The following POLA1 variants were observed in gnomAD, a reference collection of about 807,000 sequenced individuals.
The protein encoded by POLA1 is DNA polymerase alpha catalytic subunit.
Under a neutral mutation model 124.0 loss-of-function variants are expected in POLA1, and 15 were observed. The observed-to-expected ratio is 0.12, with a 90% CI of 0.08 to 0.19. The LOEUF is 0.19. Among genes scored for constraint, POLA1 ranks in the 10% least tolerant of loss-of-function variants. The probability of loss-of-function intolerance (pLI) is 1.00; values close to 1 mark genes in which losing one functional copy is unlikely to be tolerated. For missense variants in POLA1, 886 were observed against 1,103.4 expected, an observed-to-expected ratio of 0.80 and a Z score of 2.79; for synonymous variants, 408 against 389.4, an observed-to-expected ratio of 1.05 and a Z score of -0.56.
chrX:24,765,443 G>A lies in POLA1; in HGVS notation c.2964+16451G>A, dbSNP rs192398887. 2.8e-4 allele frequency among the ~76,000 whole-genome samples: 31 copies of A among 109,014 alleles called. No homozygotes were observed. The East Asian group carries it at 4.6e-3, about 16-fold the overall frequency. The allele number at this position is 109,014 out of a possible 115,157, so 94.7% of individuals were successfully genotyped here. The stretch of plus-strand genomic sequence containing the variant: ...CCTGAGTAGCTGGGATTACAGGCAC[G>A]CACCACCACACCCAGCTAATTTTTG... On this transcript the variant is annotated intron_variant, in intron 26 of 36. Coordinates refer to ENST00000379068, the MANE Select transcript of POLA1 (RefSeq NM_001330360.2).
chrX:24,794,589 A>G (rs1395897599), intron 26 of POLA1, among the ~76,000 whole-genome samples: 1 of 112,333 alleles, frequency 8.9e-6, no homozygotes, highest in African/African-American at 3.2e-5. Flanking sequence ...TATATTAACT[A>G]AGCAGAAAAT....
chrX:24,967,957 C>T (rs755992681), intron 36 of POLA1, among the ~76,000 whole-genome samples: 2 of 111,624 alleles, frequency 1.8e-5, no homozygotes, highest in East Asian at 2.8e-4. Context: ...ATTTAAACTG[C>T]GAGCACTAAA....
At chrX:24,914,372 C>G (rs1225147083) in intron 35 of POLA1, among the ~76,000 whole-genome samples, 1 of 110,976 alleles carries the variant, frequency 9.0e-6, no homozygotes, top group Non-Finnish European at 1.9e-5. Flanking sequence ...GAAGACAAGG[C>G]ACACCTAAAT....
chrX:24,814,876 A>T, intron 29 of POLA1, 103 bp from the exon 30 acceptor site: 1 of 750,793 alleles, frequency 1.3e-6, no homozygotes, highest in South Asian at 3.1e-5. Flanking sequence ...TGTTAACCAC[A>T]TGTTAATCTA....
chrX:24,708,372 CTTT>C (rs397799733), intron 4 of POLA1, among the ~76,000 whole-genome samples: 5 of 80,025 alleles, frequency 6.2e-5, no homozygotes, highest in Admixed American at 1.5e-4. Flanking sequence ...CATGAAAATA[CTTT>C]TTTTTTTTTT....
intron 26 of POLA1, among the ~76,000 whole-genome samples, chrX:24,768,917 T>C (rs2044968392): frequency 8.9e-6 from 1 of 112,050 alleles, no homozygotes; most frequent in African/African-American, 3.2e-5. Flanking sequence ...TTAACACACA[T>C]TATCTATCTT....
intron 6 of POLA1, 37 bp downstream of exon 6, chrX:24,715,240 G>A (rs773650476): frequency 4.7e-5 from 39 of 838,051 alleles, no homozygotes; most frequent in Middle Eastern, 2.8e-4. Flanking sequence ...ATATGCAGAG[G>A]ACATAGACTG....
intron 36 of POLA1, among the ~76,000 whole-genome samples, chrX:24,935,771 A>T (rs1233901132): frequency 8.9e-6 from 1 of 112,318 alleles, no homozygotes; most frequent in Non-Finnish European, 1.9e-5. Context: ...GCCCCTTTTA[A>T]GGTACTTCAT....
At position 24,974,810 on chromosome X, in the gene POLA1, TAAAAAAG is replaced by T. The variant is rs1210719010; in HGVS notation, c.4262-20990_4262-20984del. ...CGTTCTGCACATGTATCCCAGAACT[TAAAAAAG>T]AAAACAAAGAAACCCTAATATAGGG... On this transcript the variant is annotated intron_variant, in intron 36 of 36. Coordinates refer to ENST00000379068, the MANE Select transcript of POLA1 (RefSeq NM_001330360.2). Among the ~76,000 whole-genome samples the T allele has an allele frequency of 3.6e-5, 4 of 111,988 alleles. No homozygotes were observed. The East Asian group carries it at 1.1e-3, about 31-fold the overall frequency.
intron 15 of POLA1, among the ~76,000 whole-genome samples, chrX:24,729,336 C>G (rs866935526): frequency 9.0e-6 from 1 of 111,613 alleles, no homozygotes; most frequent in South Asian, 3.8e-4. Context: ...ACAAACACAT[C>G]ATCAGATGTC....
intron 4 of POLA1, among the ~76,000 whole-genome samples, chrX:24,711,805 C>T (rs1805008000): frequency 8.9e-6 from 1 of 111,929 alleles, no homozygotes; most frequent in Admixed American, 9.4e-5. Context: ...ACCATGTTGG[C>T]CAGGCTGGTC....
intron 36 of POLA1, among the ~76,000 whole-genome samples, chrX:24,960,385 T>C (rs1213302798): frequency 1.8e-5 from 2 of 111,840 alleles, no homozygotes; most frequent in Admixed American, 1.9e-4. Context: ...GTAGGCCATA[T>C]GTGTTAGTGG....
chrX:24,734,863 G>A (rs781576703), intron 17 of POLA1, among the ~76,000 whole-genome samples: 2 of 111,853 alleles, frequency 1.8e-5, no homozygotes, highest in East Asian at 2.8e-4. Context: ...TGATTCACCC[G>A]CCTCAGCCTC....
At chrX:24,911,711 G>A (rs11573467) in intron 35 of POLA1, among the ~76,000 whole-genome samples, 2,360 of 111,385 alleles carry the variant, frequency 0.021, 62 homozygotes, top group African/African-American at 0.071. Flanking sequence ...TAGCAAGGCT[G>A]ACAAAGATAA....
chrX:24,948,500 G>T (rs919475505), intron 36 of POLA1, among the ~76,000 whole-genome samples: 4 of 111,330 alleles, frequency 3.6e-5, no homozygotes, highest in Non-Finnish European at 5.6e-5. Context: ...GTTGTAATGC[G>T]ATTATGAAGT....
At chrX:24,697,942 A>T (rs1048291059) in intron 1 of POLA1, among the ~76,000 whole-genome samples, 4 of 99,963 alleles carry the variant, frequency 4.0e-5, no homozygotes, top group South Asian at 8.7e-4. Flanking sequence ...CTGTGGATGA[A>T]TTTTTTTTTT....
intron 34 of POLA1, among the ~76,000 whole-genome samples, chrX:24,853,168 T>C (rs1005042538): frequency 1.6e-4 from 18 of 112,135 alleles, no homozygotes; most frequent in African/African-American, 5.5e-4. Flanking sequence ...TCCAGCAAAA[T>C]AGATTCTCTT....
intron 25 of POLA1, 69 bp downstream of exon 25, chrX:24,748,529 A>G: frequency 1.1e-6 from 1 of 916,685 alleles, no homozygotes; most frequent in Non-Finnish European, 1.5e-6. Context: ...TTTATGAGTA[A>G]ACAGGATGCT....
chrX:24,778,371 C>T (rs1280813234), intron 26 of POLA1, among the ~76,000 whole-genome samples: 1 of 111,225 alleles, frequency 9.0e-6, no homozygotes, highest in Non-Finnish European at 1.9e-5. Flanking sequence ...GCTGGGACTA[C>T]AGGCGCCCGC....
Sources: gnomAD v4.1 joint callset for allele counts (sites outside exome capture counted in the v4.1 genomes callset) on GRCh38, gnomAD v4.1.1 for gene constraint, MANE v1.5 for transcripts, NCBI Gene and HGNC (gene_info 2026-07-23, HGNC 2026-07-21) for gene names.